Variants in SNX8 observed in about 807,000 individuals in gnomAD.
SNX8 encodes sorting nexin 8, also known as sorting nexin-8.
In SNX8, 25 loss-of-function variants were observed where a neutral mutation model predicts 51.6. The ratio of observed to expected loss-of-function variants is 0.48; its 90% CI spans 0.35 to 0.68. The LOEUF (loss-of-function observed/expected upper bound fraction) is 0.68, where lower values mean the gene tolerates loss of function less well. SNX8 is among the 30% of genes least tolerant of loss of function. The probability of loss-of-function intolerance (pLI) is 0.00; values close to 1 mark genes in which losing one functional copy is unlikely to be tolerated. For missense variants in SNX8, 695 were observed against 624.0 expected (o/e 1.11, Z -1.21); for synonymous variants, 324 against 277.0 (o/e 1.17, Z -1.68).
intron 1 of SNX8, among the ~76,000 whole-genome samples, chr7:2,343,208 G>A (rs1778964743): frequency 6.6e-6 from 1 of 151,842 alleles, no homozygotes; most frequent in African/African-American, 2.4e-5. Context: ...TGGGATTACA[G>A]GCATGAGCCA....
chr7:2,255,466 T>C (rs1584659682), intron 10 of SNX8, among the ~76,000 whole-genome samples: 1 of 152,234 alleles, frequency 6.6e-6, no homozygotes, highest in South Asian at 2.1e-4. Flanking sequence ...TACTATCGCG[T>C]CACTGCCAGT....
At chr7:2,261,401 C>T (rs1795331910) in intron 7 of SNX8, among the ~76,000 whole-genome samples, 1 of 152,242 alleles carries the variant, frequency 6.6e-6, no homozygotes. Context: ...CCACTGCCCT[C>T]CAGCCTGGGC....
At chr7:2,268,311 C>A (rs1795535896) in intron 5 of SNX8, among the ~76,000 whole-genome samples, 1 of 144,006 alleles carries the variant, frequency 6.9e-6, no homozygotes, top group Non-Finnish European at 1.5e-5. Context: ...CTGGCAACCA[C>A]CCCGTCTGAG....
chr7:2,269,760 T>A, intron 4 of SNX8, 121 bp from the exon 5 acceptor site: 1 of 593,682 alleles, frequency 1.7e-6, no homozygotes, highest in Non-Finnish European at 3.0e-6. Flanking sequence ...TTTCCATATG[T>A]TGGCTTTGAC....
chr7:2,263,233 T>C lies in SNX8; in HGVS notation c.912A>G (p.Gln304=), dbSNP rs746678984. ...EFALLADKAA[Q]QGKQEENDVV... Reference sequence around the variant, plus strand: ...CTGGGAGAACCGATCCACTCACCTGTTGTGCAGCCTTGTCGGCGAGCAGCG... The same window carrying C: ...CTGGGAGAACCGATCCACTCACCTGCTGTGCAGCCTTGTCGGCGAGCAGCG... Residue 304 remains glutamine (Q), a synonymous_variant, in exon 7 of 11, where the codon CAA becomes CAG. Coordinates refer to ENST00000222990, the MANE Select transcript of SNX8 (RefSeq NM_013321.4). 6.2e-7 allele frequency: 1 copy of C among 1,613,834 alleles called. No individual in the cohort carries two copies. The highest frequency in any genetic ancestry group is 8.5e-7 in the Non-Finnish European group (1 of 1,179,978).
intron 1 of SNX8, among the ~76,000 whole-genome samples, chr7:2,295,592 C>G (rs1411763979): frequency 1.1e-5 from 1 of 93,542 alleles, no homozygotes; most frequent in South Asian, 3.5e-4. Context: ...GTAATCCCAG[C>G]AAAAAAAAAA....
At chr7:2,300,883 T>G (rs1390024598) in intron 1 of SNX8, among the ~76,000 whole-genome samples, 1 of 152,152 alleles carries the variant, frequency 6.6e-6, no homozygotes, top group Non-Finnish European at 1.5e-5. Flanking sequence ...CCTCAAATGA[T>G]CTGTCTACCT....
At chr7:2,325,608 G>C (rs1018529742) in intron 1 of SNX8, among the ~76,000 whole-genome samples, 1 of 151,702 alleles carries the variant, frequency 6.6e-6, no homozygotes, top group African/African-American at 2.4e-5. Context: ...TGGGCGGATT[G>C]CTTGAGCTCA....
Position 2,303,626 on chromosome 7 carries a change from C to T in SNX8, c.94+10702G>A, listed in dbSNP as rs1283536371. 3.3e-5 allele frequency among the ~76,000 whole-genome samples: 5 copies of T among 152,178 alleles called. No individual in the cohort carries two copies. In the South Asian group the frequency reaches 6.2e-4, roughly 19 times the overall value. On this transcript the variant is annotated intron_variant, in intron 1 of 10. Coordinates refer to ENST00000222990, the MANE Select transcript of SNX8 (RefSeq NM_013321.4). ...TCTGTACTAAGAAAAATTCTTCTGC[C>T]TTGGGATCCTGTTGATCTGTGACCT...
chr7:2,340,473 CCT>C (rs1418621976), intron 1 of SNX8, among the ~76,000 whole-genome samples: 1 of 150,950 alleles, frequency 6.6e-6, no homozygotes, highest in Non-Finnish European at 1.5e-5. Flanking sequence ...TCTATTTTTC[CCT>C]GTTTCTGTTC....
chr7:2,259,091 T>C (rs1584666029), intron 7 of SNX8, among the ~76,000 whole-genome samples: 1 of 151,652 alleles, frequency 6.6e-6, no homozygotes, highest in African/African-American at 2.4e-5. Flanking sequence ...GTATGAAGAG[T>C]CGGTCCAAAG....
At chr7:2,258,591 C>G (rs73043225) in intron 7 of SNX8, among the ~76,000 whole-genome samples, 4,479 of 152,254 alleles carry the variant, frequency 0.029, 99 homozygotes, top group Middle Eastern at 0.051. Context: ...GGTGTTGTCT[C>G]CGCATCAGTA....
At chr7:2,330,385 G>A (rs1190343329) in intron 1 of SNX8, among the ~76,000 whole-genome samples, 6 of 151,606 alleles carry the variant, frequency 4.0e-5, no homozygotes, top group South Asian at 2.1e-4. Context: ...TGATCTGCCC[G>A]CCTTGGCCTC....
intron 1 of SNX8, among the ~76,000 whole-genome samples, chr7:2,279,429 C>T (rs1272812935): frequency 4.6e-5 from 7 of 152,096 alleles, no homozygotes; most frequent in African/African-American, 1.4e-4. Context: ...GCTACAGAGT[C>T]GACGCTGCGG....
chr7:2,314,877 C>G (rs1412152494), upstream of SNX8, among the ~76,000 whole-genome samples: 2 of 150,112 alleles, frequency 1.3e-5, no homozygotes, highest in African/African-American at 4.8e-5. Context: ...ATCCTGCATT[C>G]ATTCATTCAC....
At chr7:2,302,269 G>C (rs1468507548) in intron 1 of SNX8, among the ~76,000 whole-genome samples, 1 of 152,190 alleles carries the variant, frequency 6.6e-6, no homozygotes, top group Non-Finnish European at 1.5e-5. Context: ...CGCCTGACTG[G>C]TTTTCGTATT....
At chr7:2,303,141 T>A (rs1218440900) in intron 1 of SNX8, among the ~76,000 whole-genome samples, 1 of 139,386 alleles carries the variant, frequency 7.2e-6, no homozygotes, top group African/African-American at 2.8e-5. Flanking sequence ...AGCCGCCCCG[T>A]CCGGGAGGTG....
At chr7:2,340,595 G>A (rs933890367) in intron 1 of SNX8, among the ~76,000 whole-genome samples, 1 of 151,104 alleles carries the variant, frequency 6.6e-6, no homozygotes, top group African/African-American at 2.4e-5. Context: ...GGTGGCTCAC[G>A]CCTGTAATCC....
At chr7:2,322,380 A>G (rs1349807196) in intron 1 of SNX8, among the ~76,000 whole-genome samples, 1 of 152,154 alleles carries the variant, frequency 6.6e-6, no homozygotes, top group Admixed American at 6.6e-5. Context: ...CCTGGGCCAC[A>G]GAGCAAGACC....
Sources: allele counts gnomAD v4.1 joint callset (sites outside exome capture counted in the v4.1 genomes callset), GRCh38; gene constraint gnomAD v4.1.1; transcripts MANE v1.5; gene names NCBI Gene and HGNC (gene_info 2026-07-23, HGNC 2026-07-21).